The following FMO4 variants were observed in gnomAD, a reference collection of about 807,000 sequenced individuals.
The protein encoded by FMO4 is flavin containing dimethylaniline monoxygenase 4.
A neutral mutation model predicts 43.3 loss-of-function variants in FMO4; 38 were observed. The observed-to-expected ratio is 0.88, with a 90% CI of 0.68 to 1.15. The LOEUF is 1.15. FMO4 is among the 50% of genes most tolerant of loss of function. FMO4 has a pLI of 0.00. For missense variants in FMO4, 631 were observed against 663.3 expected (o/e 0.95, Z 0.54); for synonymous variants, 224 against 232.2 (o/e 0.96, Z 0.32).
Position 171,319,819 on chromosome 1 carries a change from G to C in FMO4, c.-7G>C. On this transcript the variant is annotated splice_region_variant and 5_prime_UTR_variant, in exon 3 of 10. Coordinates refer to ENST00000367749, the MANE Select transcript of FMO4 (RefSeq NM_002022.3). ...TTCTGCTTGACTTTCCTCTAACAGAGCATACCATGGCCAAGAAAGTTGCAG... is the reference window on the plus strand; with the variant it reads ...TTCTGCTTGACTTTCCTCTAACAGACCATACCATGGCCAAGAAAGTTGCAG... The C allele has an allele frequency of 6.2e-7, 1 of 1,613,598 alleles. No individual in the cohort carries two copies.
At chr1:171,340,408 C>T (rs111790068) in intron 9 of FMO4, among the ~76,000 whole-genome samples, 2,877 of 152,210 alleles carry the variant, frequency 0.019, 54 homozygotes, top group African/African-American at 0.045. Flanking sequence ...CCCTCTCCCC[C>T]ATTTCAGGAA....
chr1:171,315,369 T>A (rs1386230893), intron 1 of FMO4, among the ~76,000 whole-genome samples: 7 of 152,106 alleles, frequency 4.6e-5, no homozygotes, highest in African/African-American at 1.2e-4. Context: ...TTTGCAGAGT[T>A]TGCACACACG....
intron 2 of FMO4, among the ~76,000 whole-genome samples, chr1:171,317,384 T>C (rs560490611): frequency 1.3e-5 from 2 of 152,310 alleles, no homozygotes; most frequent in Admixed American, 1.3e-4. Flanking sequence ...ATGGAATACT[T>C]TGAGGTCTCA....
intron 7 of FMO4, among the ~76,000 whole-genome samples, chr1:171,333,633 A>C (rs1016649423): frequency 1.3e-5 from 2 of 152,010 alleles, no homozygotes; most frequent in Non-Finnish European, 2.9e-5. Context: ...TATACACTTG[A>C]CCCAAATATT....
In FMO4 at chr1:171,336,961, G is replaced by GCAAA. The variant is rs1553253522; in HGVS notation, c.1181-393_1181-392insAACA. Among the ~76,000 whole-genome samples the GCAAA allele has an allele frequency of 7.7e-3, 1,139 of 147,112 alleles. 19 individuals carry two copies. Among genetic ancestry groups the GCAAA allele is most frequent in the African/African-American group, 0.027 (1,088 of 40,044 alleles). The stretch of plus-strand genomic sequence containing the variant: ...CAACTAATAGCTTTAACACAAACAT[G>GCAAA]CACACACACACACACACACACACAC... On this transcript the variant is annotated intron_variant, in intron 8 of 9. Transcript: ENST00000367749.
rs772084527 is a variant in FMO4, at chr1:171,323,048, G to A, written c.177G>A (p.Val59=). 22 of 1,613,384 alleles carry A rather than the reference G, an allele frequency of 1.4e-5. No individual in the cohort carries two copies. Among genetic ancestry groups the A allele is most frequent in the Non-Finnish European group, 1.8e-5 (21 of 1,179,458 alleles). ...DGMTRVYKSL[V]TNVCKEMSCY... is the part of the protein sequence containing the mutation. ...TGACCAGGGTCTATAAGTCATTAGT[G>A]ACAAATGTCTGTAAGGAAATGTCAT... Residue 59 remains valine (V), a synonymous_variant, in exon 4 of 10, where the codon GTG becomes GTA. Coordinates refer to ENST00000367749, the MANE Select transcript of FMO4 (RefSeq NM_002022.3).
intron 2 of FMO4, among the ~76,000 whole-genome samples, chr1:171,317,065 C>T (rs890796410): frequency 2.6e-5 from 4 of 152,178 alleles, no homozygotes; most frequent in Admixed American, 2.0e-4. Flanking sequence ...CACAGGATAC[C>T]TCAGGCTCTC....
intron 1 of FMO4, among the ~76,000 whole-genome samples, chr1:171,315,145 A>G (rs1662145503): frequency 6.6e-6 from 1 of 152,162 alleles, no homozygotes; most frequent in Non-Finnish European, 1.5e-5. Flanking sequence ...TACAAAAATT[A>G]TCCAGGCGTG....
intron 7 of FMO4, among the ~76,000 whole-genome samples, chr1:171,333,381 G>A (rs948258354): frequency 6.6e-6 from 1 of 151,958 alleles, no homozygotes; most frequent in Non-Finnish European, 1.5e-5. Context: ...AGGCCACCTC[G>A]CCCAGCTAAT....
At position 171,323,031 on chromosome 1, in the gene FMO4, G is replaced by T. The variant is rs141118786; in HGVS notation, c.160G>T (p.Val54Phe). ...ATCTTCCAAAGATGGGATGACCAGG[G>T]TCTATAAGTCATTAGTGACAAATGT... The part of the protein sequence containing the change: ...TESSKDGMTR[V>F]YKSLVTNVCK... The change falls in exon 4 of 10, where the codon GTC becomes TTC. Residue 54 changes from valine to phenylalanine, a missense_variant. Val to Phe is a conservative substitution (Grantham distance 50). Transcript: ENST00000367749. 1 of 1,613,410 alleles carries T rather than the reference G, an allele frequency of 6.2e-7. No individual in the cohort carries two copies. The highest frequency in any genetic ancestry group is 8.5e-7 in the Non-Finnish European group (1 of 1,179,486).
chr1:171,328,506 C>T (rs1418824626), intron 5 of FMO4, among the ~76,000 whole-genome samples: 3 of 151,968 alleles, frequency 2.0e-5, no homozygotes, highest in African/African-American at 7.3e-5. Flanking sequence ...AAAAATTATC[C>T]GGGCATGGTG....
At chr1:171,339,493 G>A (rs914598487) in intron 9 of FMO4, among the ~76,000 whole-genome samples, 1 of 152,120 alleles carries the variant, frequency 6.6e-6, no homozygotes, top group African/African-American at 2.4e-5. Flanking sequence ...AGCCCCGGAT[G>A]AGAACATCCC....
chr1:171,332,298 A>G (rs1662933392), intron 6 of FMO4, among the ~76,000 whole-genome samples: 1 of 152,218 alleles, frequency 6.6e-6, no homozygotes, highest in Non-Finnish European at 1.5e-5. Flanking sequence ...CAAATTAGAA[A>G]TCTATTGCAC....
In FMO4 at chr1:171,325,817, C is replaced by CTTTTTTTTTTT. The variant is rs869107866; in HGVS notation, c.484+1555_484+1565dup. On this transcript the variant is annotated intron_variant, in intron 5 of 9. Coordinates refer to ENST00000367749, the MANE Select transcript of FMO4 (RefSeq NM_002022.3). ...TAAATTCAGTTCCACATAGACTATC[C>CTTTTTTTTTTT]TTTTTTTTTTTTTTTTTTTTTTTTT... Among the ~76,000 whole-genome samples, 22 of 51,032 alleles carry CTTTTTTTTTTT rather than the reference C, an allele frequency of 4.3e-4. 9 individuals carry two copies. The highest frequency in any genetic ancestry group is 5.2e-4 in the Non-Finnish European group (13 of 24,830). The allele number at this position is 51,032 out of a possible 152,430, so 33.5% of individuals were successfully genotyped here.
chr1:171,319,214 G>A (rs956154324), intron 2 of FMO4, among the ~76,000 whole-genome samples: 5 of 152,154 alleles, frequency 3.3e-5, no homozygotes, highest in Admixed American at 1.3e-4. Flanking sequence ...CTGGAAAGGG[G>A]ATGGAGTGGG....
intron 2 of FMO4, among the ~76,000 whole-genome samples, chr1:171,316,659 T>C (rs1382611014): frequency 1.3e-5 from 2 of 152,170 alleles, no homozygotes; most frequent in Non-Finnish European, 2.9e-5. Flanking sequence ...GCATTCCATA[T>C]AGCTCTCTCA....
chr1:171,327,022 C>T (rs954589766), intron 5 of FMO4, among the ~76,000 whole-genome samples: 3 of 152,074 alleles, frequency 2.0e-5, no homozygotes, highest in African/African-American at 2.4e-5. Context: ...TATGTAATTA[C>T]GGAGAATCTG....
chr1:171,332,512 T>C (rs956763435), intron 6 of FMO4, among the ~76,000 whole-genome samples, 197 bp from the exon 7 acceptor site: 2 of 152,148 alleles, frequency 1.3e-5, no homozygotes, highest in African/African-American at 4.8e-5. Flanking sequence ...TTAAGAGACA[T>C]ACAGATCTAG....
chr1:171,324,398 A>G (rs1662575816), intron 5 of FMO4, 98 bp downstream of exon 5: 1 of 879,090 alleles, frequency 1.1e-6, no homozygotes, highest in East Asian at 2.6e-5. Flanking sequence ...ATGATTATAG[A>G]TGGCTTTATA....
Sources: gnomAD v4.1 joint callset for allele counts (sites outside exome capture counted in the v4.1 genomes callset) on GRCh38, gnomAD v4.1.1 for gene constraint, MANE v1.5 for transcripts, NCBI Gene and HGNC (gene_info 2026-07-23, HGNC 2026-07-21) for gene names.